Variants in C19orf47 observed in about 807,000 individuals in gnomAD.
C19orf47 encodes chromosome 19 open reading frame 47.
A neutral mutation model predicts 32.3 loss-of-function variants in C19orf47; 18 were observed. The ratio of observed to expected loss-of-function variants is 0.56; its 90% CI spans 0.39 to 0.83. The LOEUF is 0.83. C19orf47 is among the 40% of genes least tolerant of loss of function. C19orf47 has a pLI of 0.00. For missense variants in C19orf47, 484 were observed against 531.6 expected, an observed-to-expected ratio of 0.91 and a Z score of 0.88; for synonymous variants, 202 against 211.1, an observed-to-expected ratio of 0.96 and a Z score of 0.37.
At chr19:40,338,865 T>G (rs1015710022) in intron 2 of C19orf47, among the ~76,000 whole-genome samples, 6 of 152,166 alleles carry the variant, frequency 3.9e-5, no homozygotes, top group African/African-American at 1.4e-4. Flanking sequence ...TTAAAATTGA[T>G]TATGGTGATG....
Position 40,321,681 on chromosome 19 carries a change from G to GAAGGC in C19orf47, c.*200_*201insGCCTT. The GAAGGC allele has an allele frequency of 7.1e-7, 1 of 1,406,152 alleles. No individual in the cohort carries two copies. 87.1% of individuals were successfully genotyped at this position (1,406,152 alleles called of 1,614,324 possible). On this transcript the variant is annotated 3_prime_UTR_variant, in exon 9 of 9. Transcript: ENST00000683109. ...GACATGAGAGAAGGGGAGTCCTGGA[G>GAAGGC]CAGGCCAGGCCAGCTGCGACGACCA...
In C19orf47 at chr19:40,321,691, C is replaced by G. The variant is rs140657147; in HGVS notation, c.*191G>C. The G allele has an allele frequency of 1.1e-4, 152 of 1,417,042 alleles. No homozygotes were observed. In the African/African-American group the frequency reaches 1.9e-3, roughly 18 times the overall value. The allele number at this position is 1,417,042 out of a possible 1,614,324, so 87.8% of individuals were successfully genotyped here. A position where few individuals can be genotyped will look rare whatever the true frequency, so the allele number is the denominator to read the frequency against. ...AAGGGGAGTCCTGGAGCAGGCCAGG[C>G]CAGCTGCGACGACCATCCCAGGCTA... On this transcript the variant is annotated 3_prime_UTR_variant, in exon 9 of 9. Coordinates refer to ENST00000683109, the MANE Select transcript of C19orf47 (RefSeq NM_001256441.2).
chr19:40,317,399 G>C (rs2077669224), downstream of C19orf47, among the ~76,000 whole-genome samples: 1 of 152,068 alleles, frequency 6.6e-6, no homozygotes, highest in Non-Finnish European at 1.5e-5. Flanking sequence ...TTTGAGACCA[G>C]CCTGGGCAAC....
chr19:40,312,319 G>A, the C19orf47 span, among the ~76,000 whole-genome samples: 2,730 of 152,134 alleles, frequency 0.018, 37 homozygotes, highest in Non-Finnish European at 0.028. Context: ...AGGCCGAGGC[G>A]GTCGGATCAC....
intron 2 of C19orf47, 80 bp downstream of exon 2, chr19:40,341,759 T>A (rs1282816153): frequency 2.0e-6 from 3 of 1,521,442 alleles, no homozygotes; most frequent in Non-Finnish European, 2.6e-6. Flanking sequence ...CCCTCCCCCA[T>A]CCCATCATCC....
chr19:40,326,276 T>G, intron 7 of C19orf47, 58 bp downstream of exon 7: 2 of 1,599,292 alleles, frequency 1.3e-6, no homozygotes, highest in Non-Finnish European at 1.7e-6. Flanking sequence ...GGGCCCTGTG[T>G]GATGCAGAGG....
At chr19:40,316,620 A>G (rs961273025), downstream of C19orf47, among the ~76,000 whole-genome samples, 5 of 152,130 alleles carry the variant, frequency 3.3e-5, no homozygotes, top group Non-Finnish European at 7.4e-5. Context: ...GAAGAGTCCA[A>G]CTGCTCTTCA....
the C19orf47 span, among the ~76,000 whole-genome samples, chr19:40,304,682 T>C: frequency 6.6e-6 from 1 of 152,114 alleles, no homozygotes; most frequent in Non-Finnish European, 1.5e-5. Context: ...ATCTCATATA[T>C]TGTGGGGCTC....
At chr19:40,294,496 T>C in the C19orf47 span, among the ~76,000 whole-genome samples, 1 of 152,128 alleles carries the variant, frequency 6.6e-6, no homozygotes, top group Non-Finnish European at 1.5e-5. Flanking sequence ...ATGGTCATTA[T>C]TTTCCCATGT....
chr19:40,301,791 G>T, the C19orf47 span, among the ~76,000 whole-genome samples: 1 of 151,470 alleles, frequency 6.6e-6, no homozygotes, highest in Non-Finnish European at 1.5e-5. Flanking sequence ...GTTGCAGTGA[G>T]CCAAGATCAC....
chr19:40,309,190 TCTC>T, the C19orf47 span, among the ~76,000 whole-genome samples: 23 of 149,864 alleles, frequency 1.5e-4, no homozygotes, highest in Admixed American at 4.0e-4. Flanking sequence ...TATTTCTCTC[TCTC>T]TTTTTTTTTT....
rs1425544527 is a variant in C19orf47 at position 40,333,878 on chromosome 19, C to T, written c.274G>A (p.Ala92Thr). 2.5e-6 allele frequency: 4 copies of T among 1,579,892 alleles called. No homozygotes were observed. The highest frequency in any genetic ancestry group is 3.6e-5 in the Admixed American group (2 of 54,890). Residue 92 changes from alanine to threonine, a missense_variant, in exon 5 of 9, where the codon GCA becomes ACA. By Grantham distance (58) the Ala-to-Thr change is moderately conservative (BLOSUM62 0). Coordinates refer to ENST00000683109, the MANE Select transcript of C19orf47 (RefSeq NM_001256441.2). ...ESVPCSPSPLAGEIRRGTSAA... is the reference protein window; with the variant it reads ...ESVPCSPSPLTGEIRRGTSAA... ...CTGGTGCCACGGCGAATTTCGCCTG[C>T]AAGGGGGCTAGGGCTGCAGGGTACT...
In C19orf47 at chr19:40,325,269, C is replaced by CA. The variant is rs760539610; in HGVS notation, c.592+1064dup. On this transcript the variant is annotated intron_variant, in intron 7 of 8. Coordinates refer to ENST00000683109, the MANE Select transcript of C19orf47 (RefSeq NM_001256441.2). ...TGCGTAACAGAGCAAGACTCCGTTT[C>CA]AAAAAAAAAAAAAAGTTATAGAACA... Among the ~76,000 whole-genome samples the CA allele has an allele frequency of 1.2e-3, 136 of 111,548 alleles. 1 individual carries two copies. The highest frequency in any genetic ancestry group is 0.01 in the Middle Eastern group (2 of 196). The allele number at this position is 111,548 out of a possible 152,430, so 73.2% of individuals were successfully genotyped here. A position where few individuals can be genotyped will look rare whatever the true frequency, so the allele number is the denominator to read the frequency against.
intron 5 of C19orf47, among the ~76,000 whole-genome samples, chr19:40,333,617 A>T (rs2078000108): frequency 6.6e-6 from 1 of 152,194 alleles, no homozygotes. Flanking sequence ...CTAAGAATTC[A>T]CTAAGTGTAC....
At chr19:40,317,437 A>G (rs1044915268), downstream of C19orf47, among the ~76,000 whole-genome samples, 5 of 152,114 alleles carry the variant, frequency 3.3e-5, no homozygotes, top group Non-Finnish European at 4.4e-5. Flanking sequence ...CTAAAAAACT[A>G]AAAGTAAAAA....
At chr19:40,326,627 AC>A (rs1473821110) in intron 6 of C19orf47, 141 bp from the exon 7 acceptor site, 1 of 1,059,916 alleles carries the variant, frequency 9.4e-7, no homozygotes, top group Non-Finnish European at 1.3e-6. Context: ...ATCACCACTG[AC>A]CGAACCACAG....
At chr19:40,298,057 T>C in the C19orf47 span, among the ~76,000 whole-genome samples, 1 of 148,718 alleles carries the variant, frequency 6.7e-6, no homozygotes, top group South Asian at 2.1e-4. Context: ...AAAAAAAGAA[T>C]GGTGACTAGG....
At chr19:40,316,021 G>A (rs2077659902), downstream of C19orf47, among the ~76,000 whole-genome samples, 2 of 152,032 alleles carry the variant, frequency 1.3e-5, no homozygotes, top group South Asian at 4.2e-4. Flanking sequence ...GAGAGAGAGA[G>A]AGAGAGATTT....
chr19:40,326,191 T>C, intron 7 of C19orf47, 143 bp downstream of exon 7: 2 of 1,170,554 alleles, frequency 1.7e-6, no homozygotes, highest in Non-Finnish European at 2.4e-6. Context: ...GCAGCCACCA[T>C]CACTGTCCCC....
Sources: allele counts gnomAD v4.1 joint callset (sites outside exome capture counted in the v4.1 genomes callset), GRCh38; gene constraint gnomAD v4.1.1; transcripts MANE v1.5; gene names NCBI Gene and HGNC (gene_info 2026-07-23, HGNC 2026-07-21).